Variants in NUBPL observed in about 807,000 individuals in gnomAD.
NUBPL encodes iron-sulfur cluster transfer protein NUBPL.
In NUBPL, 31 loss-of-function variants were observed where a neutral mutation model predicts 45.7. That is an observed-to-expected ratio of 0.68 (90% confidence interval 0.51 to 0.92). The LOEUF is 0.92. Ranked by LOEUF, NUBPL falls within the 40% of genes least tolerant of loss-of-function variation. NUBPL has a pLI of 0.00. For missense variants in NUBPL, 401 were observed against 398.7 expected (o/e 1.01, Z -0.05); for synonymous variants, 144 against 140.9 (o/e 1.02, Z -0.15).
At position 31,859,529 on chromosome 14, in the gene NUBPL, A is replaced by G; in HGVS notation, c.*349A>G. The G allele has an allele frequency of 5.7e-6, 2 of 349,694 alleles. No homozygotes were observed. Among genetic ancestry groups the G allele is most frequent in the Non-Finnish European group, 5.5e-6 (1 of 181,234 alleles). The allele number at this position is 349,694 out of a possible 1,614,324, so 21.7% of individuals were successfully genotyped here. On this transcript the variant is annotated 3_prime_UTR_variant, in exon 11 of 11. Transcript: ENST00000281081. ...CAGGACCACAGAATTAGTAATTTAA[A>G]TGATATACTAAATTTGTGTATGGGC...
At chr14:31,806,582 TTTC>T (rs1566572430) in intron 7 of NUBPL, among the ~76,000 whole-genome samples, 6 of 152,160 alleles carry the variant, frequency 3.9e-5, no homozygotes. Flanking sequence ...GGTTTTATCT[TTTC>T]TTTTTTCTGT....
chr14:31,759,615 C>G (rs2038753235), intron 6 of NUBPL, among the ~76,000 whole-genome samples: 1 of 151,682 alleles, frequency 6.6e-6, no homozygotes, highest in Non-Finnish European at 1.5e-5. Flanking sequence ...GTCCAACTTA[C>G]AATGATTTGA....
intron 8 of NUBPL, among the ~76,000 whole-genome samples, chr14:31,834,393 A>G (rs199701556): frequency 1.3e-4 from 19 of 151,906 alleles, no homozygotes; most frequent in African/African-American, 4.1e-4. Context: ...GTTAGCCAGG[A>G]TGGTCTCGAT....
chr14:31,759,473 A>C (rs1272614438), intron 6 of NUBPL, among the ~76,000 whole-genome samples: 1 of 152,112 alleles, frequency 6.6e-6, no homozygotes, highest in Non-Finnish European at 1.5e-5. Context: ...GGTATAGAAC[A>C]TGATGTTTTA....
chr14:31,722,214 G>C (rs7150042), intron 6 of NUBPL, among the ~76,000 whole-genome samples: 1 of 151,896 alleles, frequency 6.6e-6, no homozygotes, highest in Non-Finnish European at 1.5e-5. Context: ...TTTTCACTGT[G>C]TTTGCCAGGA....
At chr14:31,760,342 T>C (rs1275024368) in intron 6 of NUBPL, among the ~76,000 whole-genome samples, 2 of 151,544 alleles carry the variant, frequency 1.3e-5, no homozygotes, top group Admixed American at 6.6e-5. Context: ...TTTATAGAGA[T>C]GGGGTTTTGC....
At chr14:31,580,557 T>A (rs1200678295) in intron 3 of NUBPL, among the ~76,000 whole-genome samples, 1 of 152,114 alleles carries the variant, frequency 6.6e-6, no homozygotes, top group Admixed American at 6.5e-5. Flanking sequence ...GAGGCTGCAG[T>A]GAGCTATGAT....
At chr14:31,828,983 A>G (rs1353044414) in intron 8 of NUBPL, among the ~76,000 whole-genome samples, 1 of 152,234 alleles carries the variant, frequency 6.6e-6, no homozygotes, top group Non-Finnish European at 1.5e-5. Context: ...AAGTATTCCA[A>G]ATGAAGGCTG....
At chr14:31,760,626 C>G (rs757465822) in intron 6 of NUBPL, among the ~76,000 whole-genome samples, 26 of 152,078 alleles carry the variant, frequency 1.7e-4, no homozygotes, top group Admixed American at 1.2e-3. Flanking sequence ...TAGATTCATC[C>G]ACGCTGTCAT....
intron 6 of NUBPL, among the ~76,000 whole-genome samples, chr14:31,698,681 T>G (rs1337766536): frequency 6.6e-6 from 1 of 152,186 alleles, no homozygotes; most frequent in African/African-American, 2.4e-5. Context: ...TGCGAACATT[T>G]ACTTACTGAT....
intron 4 of NUBPL, among the ~76,000 whole-genome samples, chr14:31,602,242 G>A (rs1192195674): frequency 1.3e-5 from 2 of 152,000 alleles, no homozygotes; most frequent in Non-Finnish European, 2.9e-5. Context: ...ACTGTTGTGG[G>A]GTGGGAGGAG....
intron 4 of NUBPL, among the ~76,000 whole-genome samples, chr14:31,671,120 C>T (rs1423056583): frequency 2.0e-5 from 3 of 152,036 alleles, no homozygotes; most frequent in African/African-American, 7.2e-5. Flanking sequence ...GATGTTTCTC[C>T]ATTTATTTGT....
intron 7 of NUBPL, among the ~76,000 whole-genome samples, chr14:31,821,336 T>A (rs778302167): frequency 6.6e-6 from 1 of 152,134 alleles, no homozygotes; most frequent in Non-Finnish European, 1.5e-5. Flanking sequence ...GCAACAACTC[T>A]ATAGGAAAAA....
intron 3 of NUBPL, among the ~76,000 whole-genome samples, chr14:31,584,947 T>G (rs1344612327): frequency 6.6e-6 from 1 of 152,184 alleles, no homozygotes; most frequent in East Asian, 1.9e-4. Flanking sequence ...TCATGAGGCC[T>G]CCACCCTCAT....
chr14:31,636,038 A>T (rs928671231), intron 4 of NUBPL, among the ~76,000 whole-genome samples: 51 of 152,136 alleles, frequency 3.4e-4, no homozygotes, highest in Non-Finnish European at 6.2e-4. Flanking sequence ...ATCTGCAAAC[A>T]GGGACAATTT....
chr14:31,726,613 A>G (rs1012794013), intron 6 of NUBPL, among the ~76,000 whole-genome samples: 6 of 152,172 alleles, frequency 3.9e-5, no homozygotes, highest in Non-Finnish European at 8.8e-5. Flanking sequence ...GGGGGACCAC[A>G]GTATCCTCAA....
intron 4 of NUBPL, among the ~76,000 whole-genome samples, chr14:31,634,007 A>C (rs1185064540): frequency 6.6e-6 from 1 of 152,114 alleles, no homozygotes; most frequent in Non-Finnish European, 1.5e-5. Flanking sequence ...TAGTGAATGC[A>C]CTTTTAGTCA....
chr14:31,860,788 C>T lies in NUBPL; in HGVS notation c.*1608C>T, dbSNP rs953810752. 5 of 152,192 alleles carry T rather than the reference C, an allele frequency of 3.3e-5. No individual in the cohort carries two copies. Among genetic ancestry groups the T allele is most frequent in the African/African-American group, 1.2e-4 (5 of 41,520 alleles). 9.4% of individuals were successfully genotyped at this position (152,192 alleles called of 1,614,324 possible). A position where few individuals can be genotyped will look rare whatever the true frequency, so the allele number is the denominator to read the frequency against. Reference sequence around the variant, plus strand: ...TAAACAAACCATAGTACATTCATACCGTGAGTGCTACTCAGCAATAAAAAA... The same window carrying T: ...TAAACAAACCATAGTACATTCATACTGTGAGTGCTACTCAGCAATAAAAAA... On this transcript the variant is annotated 3_prime_UTR_variant, in exon 11 of 11. Coordinates refer to ENST00000281081, the MANE Select transcript of NUBPL (RefSeq NM_025152.3).
At chr14:31,699,996 A>G (rs1210962980) in intron 6 of NUBPL, among the ~76,000 whole-genome samples, 1 of 152,206 alleles carries the variant, frequency 6.6e-6, no homozygotes, top group Non-Finnish European at 1.5e-5. Flanking sequence ...GCTTGATTTC[A>G]TCATTCTGCC....
Sources: allele counts gnomAD v4.1 joint callset (sites outside exome capture counted in the v4.1 genomes callset), GRCh38; gene constraint gnomAD v4.1.1; transcripts MANE v1.5; gene names NCBI Gene and HGNC (gene_info 2026-07-23, HGNC 2026-07-21).